MED12L: variants seen among roughly 807,000 people sequenced by gnomAD.
The protein encoded by MED12L is mediator complex subunit 12L, also known as mediator of RNA polymerase II transcription subunit 12-like protein.
MED12L carries 60 observed loss-of-function variants against 281.3 expected under a neutral mutation model. That is an observed-to-expected ratio of 0.21 (90% CI 0.17 to 0.26). The LOEUF (loss-of-function observed/expected upper bound fraction) is 0.26, where lower values mean the gene tolerates loss of function less well. Ranked by LOEUF, MED12L falls within the 10% of genes least tolerant of loss-of-function variation. The pLI is 1.00. For missense variants in MED12L, 2,146 were observed against 2,680.9 expected (o/e 0.80, Z 4.41); for synonymous variants, 974 against 987.2 (o/e 0.99, Z 0.25).
chr3:151,087,061 C>G (rs753443169), intron 2 of MED12L, 36 bp downstream of exon 2: 2 of 1,539,244 alleles, frequency 1.3e-6, no homozygotes, highest in African/African-American at 1.4e-5. Flanking sequence ...CAACCGGGGC[C>G]GCGCTCTGCA....
chr3:151,247,382 G>A (rs1735794423), intron 16 of MED12L, among the ~76,000 whole-genome samples: 2 of 152,070 alleles, frequency 1.3e-5, no homozygotes, highest in South Asian at 4.1e-4. Flanking sequence ...AACAATGATA[G>A]ACTGGATTAA....
intron 5 of MED12L, among the ~76,000 whole-genome samples, chr3:151,141,187 G>GTTTTTGTTTT (rs1560087907): frequency 9.1e-5 from 9 of 99,116 alleles, no homozygotes; most frequent in African/African-American, 4.3e-4. Context: ...TGTTTTTTTT[G>GTTTTTGTTTT]TTTTTTTTTT....
chr3:151,213,291 G>A (rs1559884250), intron 16 of MED12L: 1 of 1,586,424 alleles, frequency 6.3e-7, no homozygotes, highest in Non-Finnish European at 8.6e-7. Flanking sequence ...TTTGGAAGAG[G>A]GTAGGAACTC....
At chr3:151,367,897 A>G in intron 24 of MED12L, 131 bp downstream of exon 24, 2 of 1,073,356 alleles carry the variant, frequency 1.9e-6, no homozygotes, top group South Asian at 1.6e-5. Context: ...ATCAAGGTAG[A>G]TATGGTAGAA....
At chr3:151,266,180 G>C (rs1739801363) in intron 16 of MED12L, among the ~76,000 whole-genome samples, 2 of 152,160 alleles carry the variant, frequency 1.3e-5, no homozygotes, top group African/African-American at 2.4e-5. Context: ...TGCTGCCTCT[G>C]TGCCTTTGAG....
chr3:151,137,166 A>G (rs1023806233), intron 5 of MED12L, among the ~76,000 whole-genome samples: 8 of 134,010 alleles, frequency 6.0e-5, no homozygotes, highest in Admixed American at 3.7e-4. Flanking sequence ...GTCTCAAAAA[A>G]AAAAAGAAAA....
chr3:151,154,550 G>A (rs1719011683), intron 5 of MED12L, among the ~76,000 whole-genome samples: 1 of 152,076 alleles, frequency 6.6e-6, no homozygotes, highest in African/African-American at 2.4e-5. Flanking sequence ...ACAAAATAGG[G>A]GTGTATGAAT....
At chr3:151,194,139 G>C (rs932993248) in intron 16 of MED12L, among the ~76,000 whole-genome samples, 8 of 151,632 alleles carry the variant, frequency 5.3e-5, no homozygotes, top group African/African-American at 1.9e-4. Context: ...CTAATTTTTT[G>C]TCTTTTTAGT....
chr3:151,258,465 G>A (rs2149485527), intron 16 of MED12L, among the ~76,000 whole-genome samples: 1 of 152,258 alleles, frequency 6.6e-6, no homozygotes, highest in East Asian at 1.9e-4. Flanking sequence ...CTGGCCCTGG[G>A]TTAAATTCCA....
chr3:151,367,984 T>G (rs1472709452), intron 24 of MED12L, among the ~76,000 whole-genome samples, 166 bp from the exon 25 acceptor site: 1 of 152,188 alleles, frequency 6.6e-6, no homozygotes, highest in Admixed American at 6.6e-5. Context: ...CAGTCTGTTT[T>G]AAGGAAGCAC....
intron 39 of MED12L, among the ~76,000 whole-genome samples, chr3:151,402,861 C>T (rs1333028271): frequency 2.6e-5 from 4 of 152,058 alleles, no homozygotes; most frequent in Non-Finnish European, 5.9e-5. Context: ...TTTTGGCTAC[C>T]CACGTCATTA....
At position 151,163,953 on chromosome 3, in the gene MED12L, A is replaced by G. The variant is rs1720345082; in HGVS notation, c.1168A>G (p.Ser390Gly). 1 of 1,613,498 alleles carries G rather than the reference A, an allele frequency of 6.2e-7. No individual in the cohort carries two copies. Among genetic ancestry groups the G allele is most frequent in the African/African-American group, 1.3e-5 (1 of 75,034 alleles). ...GAATTATTCCACAAATGAAAATAAGAGCGCAAACCCAGGCTCACCCCTGGA... is the reference window on the plus strand; with the variant it reads ...GAATTATTCCACAAATGAAAATAAGGGCGCAAACCCAGGCTCACCCCTGGA... ...VWNYSTNENK[S>G]ANPGSPLDLL... Residue 390 changes from serine (S) to glycine (G), a missense_variant, in exon 9 of 45, where the codon AGC (serine) becomes GGC (glycine). By Grantham distance (56) the Ser-to-Gly change is moderately conservative. This residue lies in a region of MED12L where 722 missense variants were observed against 861.2 expected (regional missense o/e 0.84). Transcript: ENST00000687756.
chr3:151,227,418 AG>A (rs140138752), intron 16 of MED12L, among the ~76,000 whole-genome samples: 4,105 of 152,310 alleles, frequency 0.027, 179 homozygotes, highest in African/African-American at 0.093. Flanking sequence ...GAGAATGGTA[AG>A]GGGGGACGGA....
intron 16 of MED12L, chr3:151,294,676 A>G: frequency 1.9e-6 from 3 of 1,614,222 alleles, no homozygotes; most frequent in South Asian, 1.1e-5. Context: ...TTGAGCAGTC[A>G]TGGATATTGT....
intron 16 of MED12L, among the ~76,000 whole-genome samples, chr3:151,288,920 A>T (rs369540172): frequency 4.0e-4 from 61 of 152,356 alleles, no homozygotes; most frequent in African/African-American, 5.3e-4. Context: ...AGTCTGTTGG[A>T]GATTGGTCAC....
At chr3:151,387,690 T>C in intron 36 of MED12L, 120 bp from the exon 37 acceptor site, 1 of 1,188,698 alleles carries the variant, frequency 8.4e-7, no homozygotes, top group East Asian at 2.4e-5. Context: ...TGCTGTATTC[T>C]CGGGTTCTCT....
chr3:151,194,337 C>G (rs1724371761), intron 16 of MED12L, among the ~76,000 whole-genome samples: 1 of 152,002 alleles, frequency 6.6e-6, no homozygotes, highest in African/African-American at 2.4e-5. Context: ...GTAGGTACTT[C>G]TAGTCAGTAA....
intron 5 of MED12L, among the ~76,000 whole-genome samples, chr3:151,141,374 T>C (rs1480793524): frequency 2.6e-5 from 4 of 152,012 alleles, no homozygotes; most frequent in Non-Finnish European, 5.9e-5. Flanking sequence ...GTATTTCACT[T>C]GAATAAGGAG....
At chr3:151,152,971 T>A (rs548888048) in intron 5 of MED12L, among the ~76,000 whole-genome samples, 154 of 152,328 alleles carry the variant, frequency 1.0e-3, no homozygotes, top group Non-Finnish European at 1.8e-3. Context: ...ATACTGCAGG[T>A]ATCCCAGGCC....
Sources: gnomAD v4.1 joint callset for allele counts (sites outside exome capture counted in the v4.1 genomes callset) on GRCh38, gnomAD v4.1.1 for gene constraint, gnomAD v4.1.1 regional missense constraint, MANE v1.5 for transcripts, NCBI Gene and HGNC (gene_info 2026-07-23, HGNC 2026-07-21) for gene names.